The following NOVA1 variants were observed in gnomAD, a reference collection of about 807,000 sequenced individuals.
NOVA1 encodes NOVA alternative splicing regulator 1.
Under a neutral mutation model 38.0 loss-of-function variants are expected in NOVA1, and 7 were observed. The ratio of observed to expected loss-of-function variants is 0.18; its 90% CI spans 0.10 to 0.35. The LOEUF (loss-of-function observed/expected upper bound fraction) is 0.35. Among genes scored for constraint, NOVA1 ranks in the 10% least tolerant of loss-of-function variants. The pLI, the probability that NOVA1 is intolerant of heterozygous loss-of-function variation, is 1.00. For synonymous variants in NOVA1, 270 were observed against 232.5 expected (o/e 1.16, Z -1.47); for missense variants, 460 against 616.0 (o/e 0.75, Z 2.68).
At chr14:26,595,762 C>T (rs1894148203) in intron 1 of NOVA1, 1 of 492,572 alleles carries the variant, frequency 2.0e-6, no homozygotes, top group African/African-American at 2.0e-5. Context: ...AGGATTTATA[C>T]TTTCAAGCTT....
intron 2 of NOVA1, among the ~76,000 whole-genome samples, chr14:26,516,253 T>C (rs1201264605): frequency 2.0e-5 from 3 of 152,194 alleles, no homozygotes; most frequent in Non-Finnish European, 4.4e-5. Context: ...TTTTTCCTTA[T>C]TGATTTGAAG....
At chr14:26,545,881 A>T (rs1566524701) in intron 2 of NOVA1, among the ~76,000 whole-genome samples, 1 of 152,266 alleles carries the variant, frequency 6.6e-6, no homozygotes, top group East Asian at 1.9e-4. Flanking sequence ...TTACAGAAAA[A>T]TTTTAAAGTA....
intron 4 of NOVA1, among the ~76,000 whole-genome samples, chr14:26,461,761 T>A (rs1883692208): frequency 9.2e-6 from 1 of 108,238 alleles, no homozygotes; most frequent in Non-Finnish European, 2.0e-5. Context: ...AAAGCCCATC[T>A]TTACTAAAAA....
intron 3 of NOVA1, among the ~76,000 whole-genome samples, chr14:26,478,129 T>C (rs1223751845): frequency 1.3e-5 from 2 of 151,812 alleles, no homozygotes; most frequent in East Asian, 3.9e-4. Flanking sequence ...TTAAATAACA[T>C]CCAAAAAGGC....
chr14:26,516,363 T>C (rs1178515783), intron 2 of NOVA1, among the ~76,000 whole-genome samples: 3 of 152,206 alleles, frequency 2.0e-5, no homozygotes, highest in Non-Finnish European at 4.4e-5. Context: ...TGGATTTTCA[T>C]GTGGCCCAAT....
rs1329770878 is a variant in NOVA1 at position 26,456,309 on chromosome 14, G to A, written c.520-7346C>T. ...AGAATTTCTATTTTATCCATTTTAA[G>A]CTTAAAATGCCTATCAGTCATCCAA... On this transcript the variant is annotated intron_variant, in intron 4 of 4. Coordinates refer to ENST00000539517, the MANE Select transcript of NOVA1 (RefSeq NM_002515.3). 2.6e-5 allele frequency among the ~76,000 whole-genome samples: 4 copies of A among 152,034 alleles called. No homozygotes were observed. The East Asian group carries it at 7.7e-4, about 29-fold the overall frequency.
intron 2 of NOVA1, among the ~76,000 whole-genome samples, chr14:26,508,153 T>C (rs1036685015): frequency 2.0e-5 from 3 of 152,108 alleles, no homozygotes; most frequent in Admixed American, 2.0e-4. Context: ...ATAACTAATA[T>C]GGCACTGATT....
intron 4 of NOVA1, among the ~76,000 whole-genome samples, chr14:26,468,243 C>G (rs1884299463): frequency 6.6e-6 from 1 of 151,852 alleles, no homozygotes; most frequent in South Asian, 2.1e-4. Context: ...TGTGGGTGGC[C>G]TCTAGAATCT....
At chr14:26,586,927 A>T (rs1160376583) in intron 2 of NOVA1, among the ~76,000 whole-genome samples, 1 of 149,948 alleles carries the variant, frequency 6.7e-6, no homozygotes, top group African/African-American at 2.4e-5. Flanking sequence ...TTTTTTTTAA[A>T]GAACATATAT....
chr14:26,520,691 T>A (rs935354129), intron 2 of NOVA1, among the ~76,000 whole-genome samples: 2 of 152,148 alleles, frequency 1.3e-5, no homozygotes, highest in African/African-American at 4.8e-5. Flanking sequence ...GTACTAATTT[T>A]GGGGTTTTAA....
In NOVA1 at chr14:26,516,003, C is replaced by T. The variant is rs142295789; in HGVS notation, c.281-35860G>A. ...TTAGTTTCTAAAGTTATTTTATCCA[C>T]TTCCAATCCTTCCACCTGTTTATGA... On this transcript the variant is annotated intron_variant, in intron 2 of 4. Coordinates refer to ENST00000539517, the MANE Select transcript of NOVA1 (RefSeq NM_002515.3). 2.6e-5 allele frequency among the ~76,000 whole-genome samples: 4 copies of T among 152,250 alleles called. No individual in the cohort carries two copies. The East Asian group carries it at 7.7e-4, about 29-fold the overall frequency.
At chr14:26,568,091 T>C (rs1041329859) in intron 2 of NOVA1, among the ~76,000 whole-genome samples, 1 of 152,144 alleles carries the variant, frequency 6.6e-6, no homozygotes, top group Non-Finnish European at 1.5e-5. Flanking sequence ...GCCAATATAT[T>C]AAGATAATAA....
intron 2 of NOVA1, among the ~76,000 whole-genome samples, chr14:26,526,620 C>A (rs1889318480): frequency 6.6e-6 from 1 of 151,930 alleles, no homozygotes; most frequent in South Asian, 2.1e-4. Flanking sequence ...TGAACCATAT[C>A]ATCATTTTAT....
intron 2 of NOVA1, among the ~76,000 whole-genome samples, chr14:26,518,267 G>A (rs958314580): frequency 6.6e-6 from 1 of 151,890 alleles, no homozygotes; most frequent in Non-Finnish European, 1.5e-5. Flanking sequence ...AATGAGTAAT[G>A]TTTCTTTTCC....
At chr14:26,456,087 T>C (rs899649069) in intron 4 of NOVA1, among the ~76,000 whole-genome samples, 1 of 152,034 alleles carries the variant, frequency 6.6e-6, no homozygotes, top group Non-Finnish European at 1.5e-5. Context: ...TAGTAAGACA[T>C]ATGTTCAGAG....
At chr14:26,451,980 A>C (rs957205225) in intron 4 of NOVA1, among the ~76,000 whole-genome samples, 1 of 152,204 alleles carries the variant, frequency 6.6e-6, no homozygotes, top group African/African-American at 2.4e-5. Context: ...TAATGTTTGC[A>C]TCTTAGTAAT....
chr14:26,541,447 C>T (rs1253511879), intron 2 of NOVA1, among the ~76,000 whole-genome samples: 2 of 150,772 alleles, frequency 1.3e-5, no homozygotes, highest in African/African-American at 4.9e-5. Flanking sequence ...ACAGAATGAG[C>T]CATTTATAAG....
intron 3 of NOVA1, among the ~76,000 whole-genome samples, chr14:26,472,833 G>C (rs1200588156): frequency 1.3e-5 from 2 of 151,978 alleles, no homozygotes; most frequent in East Asian, 3.9e-4. Flanking sequence ...GTTTACTTTG[G>C]CATAAAATTA....
intron 3 of NOVA1, among the ~76,000 whole-genome samples, chr14:26,472,723 TAA>T (rs879843278): frequency 7.3e-6 from 1 of 136,594 alleles, no homozygotes. Context: ...AAAAGAGATG[TAA>T]AAAAAAAAAA....
Sources: allele counts gnomAD v4.1 joint callset (sites outside exome capture counted in the v4.1 genomes callset), GRCh38; gene constraint gnomAD v4.1.1; transcripts MANE v1.5; gene names NCBI Gene and HGNC (gene_info 2026-07-23, HGNC 2026-07-21).